The following ATP10A variants were observed in gnomAD, a reference collection of about 807,000 sequenced individuals.
The protein encoded by ATP10A is ATPase phospholipid transporting 10A (putative), also known as phospholipid-transporting ATPase VA.
A neutral mutation model predicts 147.8 loss-of-function variants in ATP10A; 111 were observed. The observed-to-expected ratio is 0.75, with a 90% CI of 0.64 to 0.88. The LOEUF (loss-of-function observed/expected upper bound fraction) is 0.88, where lower values mean the gene tolerates loss of function less well. Ranked by LOEUF, ATP10A falls within the 40% of genes least tolerant of loss-of-function variation. The pLI is 0.00. For synonymous variants in ATP10A, 875 were observed against 841.6 expected (o/e 1.04, Z -0.69); for missense variants, 1,927 against 1,959.0 (o/e 0.98, Z 0.31).
intron 1 of ATP10A, among the ~76,000 whole-genome samples, chr15:25,826,568 T>TCA (rs1892122838): frequency 6.6e-6 from 1 of 151,954 alleles, no homozygotes; most frequent in Non-Finnish European, 1.5e-5. Context: ...TCTCAAAAAG[T>TCA]GGAATCACCT....
chr15:25,771,117 C>G (rs1002868676), intron 2 of ATP10A, among the ~76,000 whole-genome samples: 1 of 152,156 alleles, frequency 6.6e-6, no homozygotes, highest in Admixed American at 6.5e-5. Flanking sequence ...AGCCCCTAAT[C>G]AAACCCCGTG....
chr15:25,689,768 G>C (rs1223270029), intron 15 of ATP10A, among the ~76,000 whole-genome samples: 1 of 152,238 alleles, frequency 6.6e-6, no homozygotes, highest in African/African-American at 2.4e-5. Context: ...CTATGGCTCA[G>C]CTGTTCCCAT....
In ATP10A at chr15:25,819,586, G is replaced by GAA. The variant is rs60720963; in HGVS notation, c.450-38365_450-38364dup. Among the ~76,000 whole-genome samples the GAA allele has an allele frequency of 1.4e-3, 217 of 149,780 alleles. 1 individual carries two copies. The highest frequency in any genetic ancestry group is 4.6e-3 in the African/African-American group (190 of 40,950). On this transcript the variant is annotated intron_variant, in intron 1 of 20. Transcript: ENST00000555815. ...CCCACGATAGGGTATGTACCCAAATGAAAAAAAAAATCATTATATCAAAAA... is the reference window on the plus strand; with the variant it reads ...CCCACGATAGGGTATGTACCCAAATGAAAAAAAAAAAATCATTATATCAAAAA...
chr15:25,792,823 C>T (rs145588956), intron 1 of ATP10A, among the ~76,000 whole-genome samples: 98 of 151,992 alleles, frequency 6.4e-4, no homozygotes, highest in African/African-American at 2.2e-3. Context: ...CACAACTTCA[C>T]CTGCAGCCCC....
Position 25,862,926 on chromosome 15 carries a change from C to G in ATP10A, c.171G>C (p.Gln57His). 1 of 1,591,894 alleles carries G rather than the reference C, an allele frequency of 6.3e-7. No individual in the cohort carries two copies. Among genetic ancestry groups the G allele is most frequent in the Non-Finnish European group, 8.5e-7 (1 of 1,171,692 alleles). The part of the protein sequence containing the change: ...GERRRRRGCA[Q>H]HLADNRLKTT... ...TCTTGAGCCGGTTGTCGGCCAGGTGCTGGGCACACCCGCGCCGCCGTCGCC... is the reference window on the plus strand; with the variant it reads ...TCTTGAGCCGGTTGTCGGCCAGGTGGTGGGCACACCCGCGCCGCCGTCGCC... Residue 57 changes from glutamine (Q) to histidine (H), a missense_variant, in exon 1 of 21, where the codon CAG (glutamine) becomes CAC (histidine). Gln to His is a conservative substitution (Grantham distance 24). Coordinates refer to ENST00000555815, the MANE Select transcript of ATP10A (RefSeq NM_024490.4).
At chr15:25,734,315 G>A (rs1394217297) in intron 3 of ATP10A, among the ~76,000 whole-genome samples, 1 of 152,194 alleles carries the variant, frequency 6.6e-6, no homozygotes, top group Non-Finnish European at 1.5e-5. Flanking sequence ...AGCTAGGAGT[G>A]CAGTCTTCAG....
At chr15:25,780,922 G>A (rs1889887942) in intron 2 of ATP10A, 97 bp downstream of exon 2, 1 of 1,346,990 alleles carries the variant, frequency 7.4e-7, no homozygotes, top group Non-Finnish European at 1.0e-6. Flanking sequence ...TGGTCTGACA[G>A]ACAGGAAAAT....
intron 1 of ATP10A, among the ~76,000 whole-genome samples, chr15:25,825,595 G>A (rs1596960091): frequency 6.6e-6 from 1 of 152,144 alleles, no homozygotes; most frequent in African/African-American, 2.4e-5. Flanking sequence ...ATCATTATTT[G>A]ACCACTAAGA....
At chr15:25,706,107 A>G (rs146144467) in intron 12 of ATP10A, among the ~76,000 whole-genome samples, 4 of 152,348 alleles carry the variant, frequency 2.6e-5, no homozygotes, top group African/African-American at 9.6e-5. Flanking sequence ...CAGTTGCCCA[A>G]GTAAAAATTA....
rs747470375 is a variant in ATP10A at position 25,718,300 on chromosome 15, T to C, written c.1463A>G (p.Gln488Arg). 2 of 1,611,708 alleles carry C rather than the reference T, an allele frequency of 1.2e-6. No individual in the cohort carries two copies. Among genetic ancestry groups the C allele is most frequent in the Admixed American group, 1.7e-5 (1 of 59,972 alleles). ...VSQRGSIGSH[Q>R]SVRVVHRTQS... ...GGTTCTGTGCACCACCCGGACACTCTGGTGGCTGCCGATGCTGCCGCGCTG... is the reference window on the plus strand; with the variant it reads ...GGTTCTGTGCACCACCCGGACACTCCGGTGGCTGCCGATGCTGCCGCGCTG... The change falls in exon 8 of 21, where the codon CAG (glutamine) becomes CGG (arginine). Residue 488 changes from glutamine to arginine, a missense_variant. Gln to Arg is a conservative substitution (Grantham distance 43, BLOSUM62 1). Transcript: ENST00000555815.
At chr15:25,745,413 C>A (rs1020214053) in intron 2 of ATP10A, among the ~76,000 whole-genome samples, 1 of 150,754 alleles carries the variant, frequency 6.6e-6, no homozygotes, top group Non-Finnish European at 1.5e-5. Flanking sequence ...AAAGAAAATA[C>A]TAAACAGTAG....
chr15:25,844,654 G>A (rs1231510533), intron 1 of ATP10A, among the ~76,000 whole-genome samples: 2 of 152,150 alleles, frequency 1.3e-5, no homozygotes, highest in Non-Finnish European at 2.9e-5. Context: ...AGTGGCAAAG[G>A]AAGAAGAGGG....
At chr15:25,815,251 G>A (rs1891600004) in intron 1 of ATP10A, among the ~76,000 whole-genome samples, 1 of 152,162 alleles carries the variant, frequency 6.6e-6, no homozygotes, top group South Asian at 2.1e-4. Context: ...TACTGATAAA[G>A]GGAGATCATC....
In ATP10A at chr15:25,857,450, AAAT is replaced by A. The variant is rs201457492; in HGVS notation, c.449+5195_449+5197del. ...CAACAGGGCAAGACTCTGTCTTAAA[AAAT>A]AATAATTTTTTTTAGGTATGATAAT... On this transcript the variant is annotated intron_variant, in intron 1 of 20. Transcript: ENST00000555815. Among the ~76,000 whole-genome samples the A allele has an allele frequency of 5.9e-3, 900 of 152,320 alleles. 9 individuals are homozygous for A. The highest frequency in any genetic ancestry group is 8.2e-3 in the Non-Finnish European group (561 of 68,036).
chr15:25,675,821 C>G (rs934917392), downstream of ATP10A, among the ~76,000 whole-genome samples: 178 of 152,254 alleles, frequency 1.2e-3, 2 homozygotes, highest in East Asian at 2.3e-3. Flanking sequence ...TGGCAGGTGC[C>G]TATAGTCCCA....
intron 17 of ATP10A, among the ~76,000 whole-genome samples, chr15:25,682,975 C>A (rs752814227): frequency 6.6e-6 from 1 of 152,118 alleles, no homozygotes; most frequent in Non-Finnish European, 1.5e-5. Context: ...CAAAATAAGT[C>A]ACATTTTCTT....
Position 25,737,185 on chromosome 15 carries a change from C to T in ATP10A, c.655-1044G>A, listed in dbSNP as rs1887337293. Among the ~76,000 whole-genome samples, 4 of 152,230 alleles carry T rather than the reference C, an allele frequency of 2.6e-5. No homozygotes were observed. The South Asian group carries it at 8.3e-4, about 31-fold the overall frequency. On this transcript the variant is annotated intron_variant, in intron 2 of 20. Transcript: ENST00000555815. ...TTGGAGTGTAATTAGCCATCAGTCT[C>T]TCTTCTCCTTGGACTGAAATGGCCT...
In ATP10A at chr15:25,695,024, G is replaced by A. The variant is rs748677754; in HGVS notation, c.2883C>T (p.Ser961=). 1 of 1,614,214 alleles carries A rather than the reference G, an allele frequency of 6.2e-7. No individual in the cohort carries two copies. Among genetic ancestry groups the A allele is most frequent in the Non-Finnish European group, 8.5e-7 (1 of 1,180,054 alleles). Residue 961 remains serine (S), a synonymous_variant, in exon 14 of 21, where the codon TCC becomes TCT. Transcript: ENST00000555815. The part of the protein sequence containing the change: ...SMRFSSLCPP[S]TSTASGRRPS... Reference sequence around the variant, plus strand: ...GTCTGCGGCCAGAGGCAGTGGACGTGGAGGGTGGGCAGAGAGAGGAGAACC... The same window carrying A: ...GTCTGCGGCCAGAGGCAGTGGACGTAGAGGGTGGGCAGAGAGAGGAGAACC...
intron 2 of ATP10A, among the ~76,000 whole-genome samples, chr15:25,753,379 T>C (rs911003439): frequency 1.3e-5 from 2 of 152,216 alleles, no homozygotes; most frequent in African/African-American, 2.4e-5. Context: ...CTTAACATAA[T>C]GTTGTCTAAC....
Sources: gnomAD v4.1 joint callset for allele counts (sites outside exome capture counted in the v4.1 genomes callset) on GRCh38, gnomAD v4.1.1 for gene constraint, MANE v1.5 for transcripts, NCBI Gene and HGNC (gene_info 2026-07-23, HGNC 2026-07-21) for gene names.